RASA2: variants seen among roughly 807,000 people sequenced by gnomAD.
RASA2 encodes the protein ras GTPase-activating protein 2.
Under a neutral mutation model 118.2 loss-of-function variants are expected in RASA2, and 155 were observed. The ratio of observed to expected loss-of-function variants is 1.31; its 90% CI spans 1.15 to 1.50. RASA2 has a LOEUF of 1.50. RASA2 is among the 40% of genes most tolerant of loss of function. The pLI is 0.00. For missense variants in RASA2, 1,016 were observed against 1,009.6 expected, an observed-to-expected ratio of 1.01 and a Z score of -0.09; for synonymous variants, 353 against 349.1, an observed-to-expected ratio of 1.01 and a Z score of -0.12.
intron 19 of RASA2, among the ~76,000 whole-genome samples, chr3:141,593,301 C>T (rs2083314729): frequency 6.6e-6 from 1 of 152,136 alleles, no homozygotes; most frequent in Admixed American, 6.5e-5. Context: ...CCCACCTTGG[C>T]CTCCCAAAGT....
chr3:141,487,974 CCAGCCCGCACT>C (rs1412619842), intron 1 of RASA2, among the ~76,000 whole-genome samples: 1 of 152,152 alleles, frequency 6.6e-6, no homozygotes, highest in Non-Finnish European at 1.5e-5. Context: ...ACACAATCAC[CCAGCCCGCACT>C]CAGCCCGCTT....
chr3:141,588,037 AT>A (rs1445524859), intron 19 of RASA2, among the ~76,000 whole-genome samples: 1 of 152,206 alleles, frequency 6.6e-6, no homozygotes, highest in African/African-American at 2.4e-5. Flanking sequence ...AAATATACCC[AT>A]AATGCATCAG....
chr3:141,551,009 T>C (rs2082566563), intron 5 of RASA2, among the ~76,000 whole-genome samples: 1 of 152,242 alleles, frequency 6.6e-6, no homozygotes, highest in African/African-American at 2.4e-5. Context: ...TAATTATAAC[T>C]TTTAAATGTC....
chr3:141,489,161 T>C (rs900582320), intron 1 of RASA2, among the ~76,000 whole-genome samples: 2 of 152,254 alleles, frequency 1.3e-5, no homozygotes, highest in Non-Finnish European at 2.9e-5. Flanking sequence ...CTATCTGTTA[T>C]CCTAGTCAGT....
intron 17 of RASA2, among the ~76,000 whole-genome samples, chr3:141,583,887 C>T (rs1256857658): frequency 1.3e-5 from 2 of 152,102 alleles, no homozygotes; most frequent in Admixed American, 6.5e-5. Context: ...AATGCAGACC[C>T]TCTCTGAGTT....
chr3:141,520,011 C>CTTTT (rs559634060), intron 3 of RASA2, among the ~76,000 whole-genome samples: 7 of 109,786 alleles, frequency 6.4e-5, no homozygotes, highest in African/African-American at 1.4e-4. Flanking sequence ...TTCTTTTTCT[C>CTTTT]TTTTTTTTTT....
chr3:141,562,807 G>T (rs1330535889), intron 9 of RASA2, among the ~76,000 whole-genome samples: 1 of 151,828 alleles, frequency 6.6e-6, no homozygotes, highest in Non-Finnish European at 1.5e-5. Flanking sequence ...TGAGTAGCTG[G>T]GATGACAGGC....
At chr3:141,544,737 C>CAT (rs1211921004) in intron 5 of RASA2, among the ~76,000 whole-genome samples, 1 of 152,122 alleles carries the variant, frequency 6.6e-6, no homozygotes, top group Non-Finnish European at 1.5e-5. Context: ...ATGGAATCAA[C>CAT]TTAAATGGCC....
At chr3:141,586,863 G>A (rs927114210) in intron 19 of RASA2, 111 bp downstream of exon 19, 7 of 860,646 alleles carry the variant, frequency 8.1e-6, no homozygotes, top group Non-Finnish European at 1.2e-5. Context: ...TGTAGTTTAT[G>A]GTTTCTCACA....
chr3:141,586,578 G>A, intron 18 of RASA2, 68 bp from the exon 19 acceptor site: 1 of 1,036,642 alleles, frequency 9.6e-7, no homozygotes, highest in Non-Finnish European at 1.4e-6. Context: ...AAAGTTAAAG[G>A]ATACTTCTTT....
chr3:141,539,014 A>G (rs1050111629), intron 4 of RASA2, among the ~76,000 whole-genome samples: 2 of 152,228 alleles, frequency 1.3e-5, no homozygotes, highest in African/African-American at 4.8e-5. Context: ...TAAAATGTAT[A>G]TATGTTAAAA....
intron 1 of RASA2, among the ~76,000 whole-genome samples, chr3:141,510,266 GGT>G (rs2081931329): frequency 1.3e-5 from 2 of 152,074 alleles, no homozygotes; most frequent in African/African-American, 4.8e-5. Context: ...TGGTTCTTGG[GGT>G]AATGCTGTTT....
chr3:141,519,600 A>C (rs1175993041), intron 3 of RASA2, among the ~76,000 whole-genome samples: 1 of 152,110 alleles, frequency 6.6e-6, no homozygotes, highest in Non-Finnish European at 1.5e-5. Flanking sequence ...TTGATTGCTT[A>C]TTCGGTTTGC....
chr3:141,494,969 C>T (rs1417860190), intron 1 of RASA2, among the ~76,000 whole-genome samples: 3 of 152,128 alleles, frequency 2.0e-5, no homozygotes, highest in African/African-American at 7.2e-5. Context: ...GTTTCATCTA[C>T]TTATATAACG....
At chr3:141,518,719 A>G (rs1488485918) in intron 3 of RASA2, among the ~76,000 whole-genome samples, 7 of 151,730 alleles carry the variant, frequency 4.6e-5, no homozygotes, top group South Asian at 4.1e-4. Flanking sequence ...CTTTAAAACA[A>G]TATGTTTTTC....
chr3:141,506,802 G>A (rs928559309), intron 1 of RASA2, among the ~76,000 whole-genome samples: 1 of 151,750 alleles, frequency 6.6e-6, no homozygotes, highest in African/African-American at 2.4e-5. Flanking sequence ...TGTAGTCCCA[G>A]CTACTCGGGA....
At chr3:141,536,044 G>A (rs576395735) in intron 4 of RASA2, among the ~76,000 whole-genome samples, 6 of 152,276 alleles carry the variant, frequency 3.9e-5, no homozygotes, top group African/African-American at 1.4e-4. Flanking sequence ...TGAAATTTTT[G>A]TAAAATTAAT....
Position 141,586,020 on chromosome 3 carries a change from T to C in RASA2, c.1753-5T>C, listed in dbSNP as rs757242882. The stretch of plus-strand genomic sequence containing the variant: ...AGTGTAATATTTGCCCATTTCCCCA[T>C]TTAGTTCTTGGATGAAATTTCATCT... On this transcript the variant is annotated splice_polypyrimidine_tract_variant and splice_region_variant and intron_variant, in intron 17 of 23. Coordinates refer to ENST00000286364, the MANE Select transcript of RASA2 (RefSeq NM_006506.5). 1.2e-5 allele frequency: 20 copies of C among 1,604,562 alleles called. No homozygotes were observed. The highest frequency in any genetic ancestry group is 5.5e-5 in the South Asian group (5 of 90,700).
intron 1 of RASA2, among the ~76,000 whole-genome samples, chr3:141,500,134 G>A (rs952949230): frequency 2.6e-5 from 4 of 152,206 alleles, no homozygotes; most frequent in African/African-American, 9.7e-5. Context: ...TTCCAGTGGT[G>A]TTTTCAAGAT....
Sources: gnomAD v4.1 joint callset for allele counts (sites outside exome capture counted in the v4.1 genomes callset) on GRCh38, gnomAD v4.1.1 for gene constraint, MANE v1.5 for transcripts, NCBI Gene and HGNC (gene_info 2026-07-23, HGNC 2026-07-21) for gene names.